NDUFV3: variants seen among roughly 807,000 people sequenced by gnomAD.
NDUFV3 encodes NADH:ubiquinone oxidoreductase subunit V3.
In NDUFV3, 44 loss-of-function variants were observed where a neutral mutation model predicts 37.5. The observed-to-expected ratio is 1.17, with a 90% CI of 0.92 to 1.51. The LOEUF is 1.51. NDUFV3 is among the 40% of genes most tolerant of loss of function. The pLI, the probability that NDUFV3 is intolerant of heterozygous loss-of-function variation, is 0.00. For synonymous variants in NDUFV3, 235 were observed against 239.3 expected (o/e 0.98, Z 0.17); for missense variants, 580 against 580.4 (o/e 1.00, Z 0.01).
Position 42,903,815 on chromosome 21 carries a change from T to A in NDUFV3, c.803T>A (p.Leu268Ter). The A allele has an allele frequency of 6.2e-7, 1 of 1,613,990 alleles. No individual in the cohort carries two copies. Among genetic ancestry groups the A allele is most frequent in the Non-Finnish European group, 8.5e-7 (1 of 1,180,020 alleles). ...AAGCAAAGTTTAAAGGAAAAACAATTGCAGAAAACATTTAGATTAAATGAA... is the reference window on the plus strand; with the variant it reads ...AAGCAAAGTTTAAAGGAAAAACAATAGCAGAAAACATTTAGATTAAATGAA... ...FLKQSLKEKQ[L>*]QKTFRLNEID... The change falls in exon 3 of 4, where the codon TTG (leucine) becomes TAG (stop). Residue 268 changes from leucine to a stop codon, truncating the protein, a stop_gained. Transcript: ENST00000354250. LOFTEE classifies it high-confidence loss of function.
At chr21:42,896,620 GGCCAGGAGTTTGAGGAA>G (rs879548673) in intron 1 of NDUFV3, among the ~76,000 whole-genome samples, 4 of 152,020 alleles carry the variant, frequency 2.6e-5, no homozygotes, top group Non-Finnish European at 5.9e-5. Context: ...GATCGCTTGA[GGCCAGGAGTTTGAGGAA>G]GCCAGGAGTT....
rs1339678451 is a variant in NDUFV3 at position 42,894,550 on chromosome 21, A to AAT, written c.48+1180_48+1181dup. On this transcript the variant is annotated intron_variant, in intron 1 of 3. Transcript: ENST00000354250. The stretch of plus-strand genomic sequence containing the variant: ...TAATATATATCATAATATAATATAT[A>AAT]ATATATATATATTTTTTTTTGAGAC... 3.8e-3 allele frequency among the ~76,000 whole-genome samples: 240 copies of AAT among 63,320 alleles called. 2 individuals are homozygous for AAT. Among genetic ancestry groups the AAT allele is most frequent in the African/African-American group, 0.021 (224 of 10,476 alleles). The allele number at this position is 63,320 out of a possible 152,430, so 41.5% of individuals were successfully genotyped here.
rs1458324258 is a variant in NDUFV3, at chr21:42,910,497, C to G, written c.*1476C>G. The G allele has an allele frequency of 6.6e-6, 1 of 152,236 alleles. No homozygotes were observed. Among genetic ancestry groups the G allele is most frequent in the Non-Finnish European group, 1.5e-5 (1 of 68,224 alleles). The allele number at this position is 152,236 out of a possible 1,614,324, so 9.4% of individuals were successfully genotyped here. A position where few individuals can be genotyped will look rare whatever the true frequency, so the allele number is the denominator to read the frequency against. ...GATTCGGAAGAGGTGAAGTTTCTTG[C>G]AGTACAGGGACGAAGTAGGAAGAGG... On this transcript the variant is annotated 3_prime_UTR_variant, in exon 4 of 4. Coordinates refer to ENST00000354250, the MANE Select transcript of NDUFV3 (RefSeq NM_021075.4).
chr21:42,893,704 T>G (rs1469941727), intron 1 of NDUFV3, among the ~76,000 whole-genome samples: 3 of 152,172 alleles, frequency 2.0e-5, no homozygotes, highest in Non-Finnish European at 1.5e-5. Context: ...CGTTCCCAGG[T>G]GATGCTGCCG....
intron 1 of NDUFV3, among the ~76,000 whole-genome samples, chr21:42,896,057 C>T (rs931754956): frequency 4.0e-5 from 6 of 148,258 alleles, no homozygotes; most frequent in African/African-American, 1.5e-4. Flanking sequence ...GATCTCAGCT[C>T]ACTGCAACCT....
At position 42,909,300 on chromosome 21, in the gene NDUFV3, T is replaced by C; in HGVS notation, c.*279T>C. The C allele has an allele frequency of 5.2e-6, 2 of 382,824 alleles. No individual in the cohort carries two copies. Among genetic ancestry groups the C allele is most frequent in the Non-Finnish European group, 1.0e-5 (2 of 199,840 alleles). The allele number at this position is 382,824 out of a possible 1,614,324, so 23.7% of individuals were successfully genotyped here. A position where few individuals can be genotyped will look rare whatever the true frequency, so the allele number is the denominator to read the frequency against. On this transcript the variant is annotated 3_prime_UTR_variant, in exon 4 of 4. Transcript: ENST00000354250. The stretch of plus-strand genomic sequence containing the variant: ...GGGATTACAGGTACTCACCACCAGG[T>C]CCAGCTAACTTTTGTATTTTTAGTA...
At chr21:42,893,512 C>A in intron 1 of NDUFV3, 131 bp downstream of exon 1, 2 of 1,065,492 alleles carry the variant, frequency 1.9e-6, no homozygotes, top group Non-Finnish European at 2.7e-6. Flanking sequence ...GCCGCTGACC[C>A]CGCTCCCTGG....
intron 2 of NDUFV3, among the ~76,000 whole-genome samples, chr21:42,900,326 A>G (rs2146154152): frequency 6.6e-6 from 1 of 151,750 alleles, no homozygotes; most frequent in African/African-American, 2.4e-5. Flanking sequence ...ATATGGTGAA[A>G]CCCCTGTCTC....
At chr21:42,907,922 C>T (rs2146166416) in intron 3 of NDUFV3, among the ~76,000 whole-genome samples, 1 of 151,974 alleles carries the variant, frequency 6.6e-6, no homozygotes, top group East Asian at 1.9e-4. Flanking sequence ...TTTTATCATG[C>T]ATCTCTAAGT....
Position 42,909,135 on chromosome 21 carries a change from CCTTTT to C in NDUFV3, c.*115_*119del. 1 of 789,158 alleles carries C rather than the reference CCTTTT, an allele frequency of 1.3e-6. No individual in the cohort carries two copies. The highest frequency in any genetic ancestry group is 1.6e-5 in the South Asian group (1 of 61,634). The allele number at this position is 789,158 out of a possible 1,614,324, so 48.9% of individuals were successfully genotyped here. ...CTGTGCATAATCGGTTTCACTTTTA[CCTTTT>C]TTTTTTTTTTTTTTTTTTTGAGACA... On this transcript the variant is annotated 3_prime_UTR_variant, in exon 4 of 4. Coordinates refer to ENST00000354250, the MANE Select transcript of NDUFV3 (RefSeq NM_021075.4).
chr21:42,905,863 ATTTTTTT>A (rs10583572), intron 3 of NDUFV3, among the ~76,000 whole-genome samples: 4 of 132,928 alleles, frequency 3.0e-5, no homozygotes, highest in Non-Finnish European at 6.4e-5. Context: ...TGATGTTACC[ATTTTTTT>A]TTTTTTTTTT....
intron 3 of NDUFV3, among the ~76,000 whole-genome samples, chr21:42,905,920 G>A (rs1316241352): frequency 4.0e-5 from 6 of 148,324 alleles, no homozygotes; most frequent in Non-Finnish European, 1.5e-5. Context: ...CTGCAGTACA[G>A]TGGCGCAATC....
chr21:42,906,879 A>T (rs1031556096), intron 3 of NDUFV3: 4 of 518,796 alleles, frequency 7.7e-6, no homozygotes, highest in African/African-American at 7.7e-5. Flanking sequence ...CCTTGTGGAG[A>T]TTGGAAGGAT....
intron 3 of NDUFV3, among the ~76,000 whole-genome samples, chr21:42,905,971 C>A (rs1321752953): frequency 6.6e-6 from 1 of 151,554 alleles, no homozygotes. Flanking sequence ...ACAAACGATT[C>A]TCCTGCCTCA....
At chr21:42,894,359 A>G (rs1601210050) in intron 1 of NDUFV3, among the ~76,000 whole-genome samples, 1 of 39,232 alleles carries the variant, frequency 2.5e-5, no homozygotes, top group South Asian at 4.8e-4. Context: ...ATAAATATAT[A>G]TTATATATAT....
chr21:42,897,184 A>G (rs2058696238), intron 2 of NDUFV3, 137 bp downstream of exon 2: 1 of 976,030 alleles, frequency 1.0e-6, no homozygotes, highest in Non-Finnish European at 1.6e-6. Flanking sequence ...CAGATTATAC[A>G]AGACACAAGA....
chr21:42,900,372 G>A (rs772488334), intron 2 of NDUFV3, among the ~76,000 whole-genome samples: 6 of 152,082 alleles, frequency 3.9e-5, no homozygotes, highest in African/African-American at 1.2e-4. Flanking sequence ...GCATGGTGGC[G>A]GACGCCTGTA....
intron 1 of NDUFV3, among the ~76,000 whole-genome samples, chr21:42,896,599 C>T (rs543611236): frequency 1.2e-4 from 18 of 151,450 alleles, no homozygotes; most frequent in African/African-American, 3.9e-4. Flanking sequence ...TTCAGGAGGC[C>T]GGGGCTTCAG....
chr21:42,896,593 G>A (rs2146148226), intron 1 of NDUFV3, among the ~76,000 whole-genome samples: 1 of 151,504 alleles, frequency 6.6e-6, no homozygotes, highest in East Asian at 1.9e-4. Flanking sequence ...CAGCACTTCA[G>A]GAGGCCGGGG....
Sources: allele counts gnomAD v4.1 joint callset (sites outside exome capture counted in the v4.1 genomes callset), GRCh38; gene constraint gnomAD v4.1.1; transcripts MANE v1.5; gene names NCBI Gene and HGNC (gene_info 2026-07-23, HGNC 2026-07-21).